The following C12orf54 variants were observed in gnomAD, a reference collection of about 807,000 sequenced individuals.
C12orf54 encodes the protein uncharacterized protein C12orf54.
In C12orf54, 24 loss-of-function variants were observed where a neutral mutation model predicts 26.4. The ratio of observed to expected loss-of-function variants is 0.91; its 90% confidence interval spans 0.66 to 1.28. C12orf54 has a LOEUF of 1.28. C12orf54 is among the 50% of genes most tolerant of loss of function. The pLI, the probability that C12orf54 is intolerant of heterozygous loss-of-function variation, is 0.00. For synonymous variants in C12orf54, 54 were observed against 47.0 expected, an observed-to-expected ratio of 1.15 and a Z score of -0.61; for missense variants, 154 against 150.9, an observed-to-expected ratio of 1.02 and a Z score of -0.11.
chr12:48,416,106 A>G, the C12orf54 span, among the ~76,000 whole-genome samples: 1 of 152,134 alleles, frequency 6.6e-6, no homozygotes, highest in Non-Finnish European at 1.5e-5. Context: ...TATCTGATCA[A>G]TTTTAGTAAA....
chr12:48,425,476 A>T, the C12orf54 span, among the ~76,000 whole-genome samples: 1 of 152,096 alleles, frequency 6.6e-6, no homozygotes, highest in Non-Finnish European at 1.5e-5. Flanking sequence ...CCAATCTGTC[A>T]TTGATGCACA....
chr12:48,466,986 T>G, the C12orf54 span, among the ~76,000 whole-genome samples: 12 of 152,170 alleles, frequency 7.9e-5, no homozygotes, highest in Non-Finnish European at 1.5e-4. Flanking sequence ...TATGTAGTGA[T>G]GTGAACGGTA....
upstream of C12orf54, among the ~76,000 whole-genome samples, chr12:48,478,253 T>C: frequency 6.6e-6 from 1 of 152,134 alleles, no homozygotes; most frequent in East Asian, 1.9e-4. Flanking sequence ...TATCTCAAAA[T>C]AATAAGAGCT....
chr12:48,440,716 A>G, the C12orf54 span, among the ~76,000 whole-genome samples: 14 of 152,316 alleles, frequency 9.2e-5, no homozygotes, highest in South Asian at 2.9e-3. Flanking sequence ...CCAACATGTT[A>G]TTTACAGTCT....
intron 4 of C12orf54, chr12:48,488,113 G>T: frequency 1.2e-6 from 1 of 818,834 alleles, no homozygotes; most frequent in South Asian, 1.3e-5. Context: ...TCCCAAGGCT[G>T]CATGAAGGAA....
chr12:48,481,295 C>G (rs1184221277), upstream of C12orf54, among the ~76,000 whole-genome samples: 1 of 151,874 alleles, frequency 6.6e-6, no homozygotes, highest in Non-Finnish European at 1.5e-5. Flanking sequence ...TACATCTGGC[C>G]ATGAAAGGGT....
At chr12:48,437,905 C>A in the C12orf54 span, among the ~76,000 whole-genome samples, 3 of 152,016 alleles carry the variant, frequency 2.0e-5, no homozygotes, top group Non-Finnish European at 2.9e-5. Flanking sequence ...CTGGCCAGGG[C>A]AATCAGGCAG....
At chr12:48,489,413 G>A (rs772498524) in intron 5 of C12orf54, 2 of 270,114 alleles carry the variant, frequency 7.4e-6, no homozygotes, top group Non-Finnish European at 1.5e-5. Flanking sequence ...ATAGATTTCA[G>A]TGTCTCTCTC....
the C12orf54 span, among the ~76,000 whole-genome samples, chr12:48,413,800 T>G: frequency 6.6e-6 from 1 of 152,318 alleles, no homozygotes; most frequent in Non-Finnish European, 1.5e-5. Flanking sequence ...TTCTACCTAC[T>G]TTGTATTGCT....
At chr12:48,420,719 C>G in the C12orf54 span, among the ~76,000 whole-genome samples, 1 of 152,212 alleles carries the variant, frequency 6.6e-6, no homozygotes, top group South Asian at 2.1e-4. Flanking sequence ...ACCAACCTCT[C>G]TGCTAATGTC....
the C12orf54 span, among the ~76,000 whole-genome samples, chr12:48,438,435 C>T: frequency 1.3e-5 from 2 of 152,134 alleles, no homozygotes; most frequent in Non-Finnish European, 2.9e-5. Context: ...AAAAAAGAGC[C>T]CACATCATCA....
chr12:48,496,074 A>G (rs1003020642), intron 8 of C12orf54, 107 bp from the exon 9 acceptor site: 1 of 152,278 alleles, frequency 6.6e-6, no homozygotes, highest in African/African-American at 2.4e-5. Context: ...TAGAAGCGTC[A>G]CCACGAGGAC....
chr12:48,467,745 T>C, the C12orf54 span, among the ~76,000 whole-genome samples: 1 of 152,184 alleles, frequency 6.6e-6, no homozygotes, highest in Non-Finnish European at 1.5e-5. Flanking sequence ...GATAATTTCA[T>C]GGGTGTATAC....
the C12orf54 span, among the ~76,000 whole-genome samples, chr12:48,444,173 C>T: frequency 3.9e-5 from 6 of 152,166 alleles, no homozygotes; most frequent in Non-Finnish European, 8.8e-5. Flanking sequence ...TTTCTGAAAA[C>T]CTAAATACTT....
the C12orf54 span, chr12:48,473,083 T>C: frequency 6.2e-7 from 1 of 1,614,052 alleles, no homozygotes; most frequent in East Asian, 2.2e-5. Context: ...AAGCTCCTCC[T>C]GCAACTCACA....
the C12orf54 span, among the ~76,000 whole-genome samples, chr12:48,452,076 T>A: frequency 6.6e-6 from 1 of 152,140 alleles, no homozygotes; most frequent in African/African-American, 2.4e-5. Flanking sequence ...TCTACCCAAA[T>A]TCAAACTATA....
the C12orf54 span, among the ~76,000 whole-genome samples, chr12:48,451,953 T>C: frequency 6.6e-6 from 1 of 152,174 alleles, no homozygotes; most frequent in Admixed American, 6.5e-5. Context: ...TAAACTACCA[T>C]TGATATTCTT....
At chr12:48,436,593 T>C in the C12orf54 span, among the ~76,000 whole-genome samples, 1 of 152,174 alleles carries the variant, frequency 6.6e-6, no homozygotes, top group Non-Finnish European at 1.5e-5. Context: ...AACTCAGGAT[T>C]AAGAAACTCA....
At chr12:48,489,681 T>C (rs555542939) in intron 5 of C12orf54, among the ~76,000 whole-genome samples, 1 of 151,942 alleles carries the variant, frequency 6.6e-6, no homozygotes. Flanking sequence ...CCTCCCAAAG[T>C]GCTGGGATTA....
Sources: gnomAD v4.1 joint callset for allele counts (sites outside exome capture counted in the v4.1 genomes callset) on GRCh38, gnomAD v4.1.1 for gene constraint, MANE v1.5 for transcripts, NCBI Gene and HGNC (gene_info 2026-07-23, HGNC 2026-07-21) for gene names.